Variants in ROBO2 observed in about 807,000 individuals in gnomAD.
ROBO2 encodes the protein roundabout guidance receptor 2, also known as roundabout homolog 2.
ROBO2 carries 53 observed loss-of-function variants against 160.8 expected under a neutral mutation model. The observed-to-expected ratio is 0.33, with a 90% confidence interval of 0.26 to 0.41. The LOEUF (loss-of-function observed/expected upper bound fraction) is 0.41, where lower values mean the gene tolerates loss of function less well. Among genes scored for constraint, ROBO2 ranks in the 10% least tolerant of loss-of-function variants. The pLI, the probability that ROBO2 is intolerant of heterozygous loss-of-function variation, is 1.00. For synonymous variants in ROBO2, 664 were observed against 611.7 expected (o/e 1.09, Z -1.26); for missense variants, 1,577 against 1,722.4 (o/e 0.92, Z 1.49).
At chr3:76,012,866 G>T (rs2066241604) in intron 2 of ROBO2, among the ~76,000 whole-genome samples, 1 of 140,860 alleles carries the variant, frequency 7.1e-6, no homozygotes, top group South Asian at 2.2e-4. Flanking sequence ...GGGCACGGTG[G>T]CTTATGCATG....
At chr3:77,131,552 T>G (rs926891481) in intron 2 of ROBO2, among the ~76,000 whole-genome samples, 1 of 152,052 alleles carries the variant, frequency 6.6e-6, no homozygotes, top group Non-Finnish European at 1.5e-5. Flanking sequence ...AGATTGGAGA[T>G]CCTTAGGAGA....
chr3:77,090,332 T>C (rs2069992799), intron 1 of ROBO2, among the ~76,000 whole-genome samples: 2 of 20,540 alleles, frequency 9.7e-5, no homozygotes, highest in African/African-American at 1.3e-3. Context: ...TCTTTTTTTT[T>C]TTTTTTTTTT....
chr3:77,286,256 CTTT>C (rs10663209), intron 2 of ROBO2, among the ~76,000 whole-genome samples: 5 of 119,866 alleles, frequency 4.2e-5, no homozygotes, highest in Admixed American at 8.7e-5. Context: ...AATTATGGAG[CTTT>C]TTTTTTTTTT....
intron 1 of ROBO2, among the ~76,000 whole-genome samples, chr3:77,072,757 A>G (rs1214035081): frequency 6.6e-6 from 1 of 152,206 alleles, no homozygotes; most frequent in East Asian, 1.9e-4. Context: ...TTGTGAATGA[A>G]TATATTTTCT....
At chr3:76,860,171 G>C (rs2148607912) in intron 2 of ROBO2, among the ~76,000 whole-genome samples, 1 of 152,212 alleles carries the variant, frequency 6.6e-6, no homozygotes, top group African/African-American at 2.4e-5. Context: ...AAAGGATGTT[G>C]GGTAGATGTG....
intron 2 of ROBO2, among the ~76,000 whole-genome samples, chr3:76,098,492 CATT>C (rs1339598645): frequency 1.3e-5 from 2 of 151,974 alleles, no homozygotes; most frequent in Non-Finnish European, 2.9e-5. Context: ...TAAATAAAAT[CATT>C]ATGCAAATCA....
intron 2 of ROBO2, among the ~76,000 whole-genome samples, chr3:77,015,348 T>C (rs1050016755): frequency 6.6e-6 from 1 of 152,206 alleles, no homozygotes; most frequent in African/African-American, 2.4e-5. Context: ...ATGGGATTTA[T>C]GGGAGGCACA....
At chr3:77,099,636 C>T (rs977603948) in intron 2 of ROBO2, among the ~76,000 whole-genome samples, 3 of 152,110 alleles carry the variant, frequency 2.0e-5, no homozygotes, top group Non-Finnish European at 4.4e-5. Flanking sequence ...TGCAAATATC[C>T]ATACCTGTTC....
chr3:76,455,311 A>G (rs1460252129), intron 2 of ROBO2, among the ~76,000 whole-genome samples: 6 of 152,148 alleles, frequency 3.9e-5, no homozygotes, highest in Admixed American at 2.6e-4. Flanking sequence ...TTGACAGCAC[A>G]AAAGTTAAAC....
At chr3:76,575,211 A>ACC (rs1223021809) in intron 2 of ROBO2, among the ~76,000 whole-genome samples, 2 of 152,060 alleles carry the variant, frequency 1.3e-5, no homozygotes. Flanking sequence ...ATACCTTGAT[A>ACC]ATTCCCATTC....
chr3:77,183,206 T>C (rs1337367218), intron 2 of ROBO2, among the ~76,000 whole-genome samples: 1 of 152,042 alleles, frequency 6.6e-6, no homozygotes, highest in Non-Finnish European at 1.5e-5. Flanking sequence ...CTTTATCTTC[T>C]CCCCCATAAG....
intron 23 of ROBO2, chr3:77,632,688 T>C (rs2153714152): frequency 6.6e-7 from 1 of 1,507,200 alleles, no homozygotes; most frequent in Non-Finnish European, 8.9e-7. Flanking sequence ...ACTCTTTGCA[T>C]GAGAGAATCT....
chr3:77,564,709 T>C (rs1035129976), intron 11 of ROBO2: 1 of 580,708 alleles, frequency 1.7e-6, no homozygotes, highest in Admixed American at 2.6e-5. Flanking sequence ...AGCAAAGGGC[T>C]GTCACATCTC....
At chr3:77,431,616 C>G (rs2078781403) in intron 2 of ROBO2, among the ~76,000 whole-genome samples, 1 of 152,116 alleles carries the variant, frequency 6.6e-6, no homozygotes, top group Admixed American at 6.5e-5. Context: ...TTACTTTCGT[C>G]CTGTGTTCCC....
Position 76,337,898 on chromosome 3 carries a change from A to G in ROBO2, c.109+400296A>G, listed in dbSNP as rs138936063. The stretch of plus-strand genomic sequence containing the variant: ...AATTGATGAGGTTTTGGGCTCCACC[A>G]TAGGAGATTTATTTTTGATTTATTA... On this transcript the variant is annotated intron_variant, in intron 2 of 26. Coordinates refer to the ROBO2 transcript ENST00000487694. 4.0e-3 allele frequency among the ~76,000 whole-genome samples: 616 copies of G among 152,278 alleles called. 2 individuals carry two copies. Among genetic ancestry groups the G allele is most frequent in the Non-Finnish European group, 7.6e-3 (520 of 68,004 alleles).
chr3:76,283,893 T>G (rs181513046), intron 2 of ROBO2, among the ~76,000 whole-genome samples: 19 of 152,168 alleles, frequency 1.2e-4, no homozygotes, highest in African/African-American at 4.6e-4. Flanking sequence ...GAAAATCTTA[T>G]GAAGAGGTTC....
intron 2 of ROBO2, among the ~76,000 whole-genome samples, chr3:76,178,159 T>C (rs1371726365): frequency 6.6e-6 from 1 of 152,172 alleles, no homozygotes; most frequent in Non-Finnish European, 1.5e-5. Context: ...TATAGACTTT[T>C]TTCCTTTCCA....
chr3:76,000,598 C>T (rs1417928412), intron 2 of ROBO2, among the ~76,000 whole-genome samples: 5 of 151,318 alleles, frequency 3.3e-5, no homozygotes, highest in African/African-American at 4.9e-5. Flanking sequence ...ATGCCATTCT[C>T]CTGCCTCAGC....
chr3:77,062,417 C>T lies in ROBO2; in HGVS notation c.61+21571C>T, dbSNP rs553953358. On this transcript the variant is annotated intron_variant, in intron 1 of 25. Transcript: ENST00000461745. Reference sequence around the variant, plus strand: ...ACCTAGTTCAGATTTTTAAAAAATACTCAAATAAACTCAGAGAACAGGACC... The same window carrying T: ...ACCTAGTTCAGATTTTTAAAAAATATTCAAATAAACTCAGAGAACAGGACC... 2.2e-4 allele frequency among the ~76,000 whole-genome samples: 33 copies of T among 152,098 alleles called. No individual in the cohort carries two copies. The South Asian group carries it at 3.3e-3, about 15-fold the overall frequency.
Sources: gnomAD v4.1 joint callset for allele counts (sites outside exome capture counted in the v4.1 genomes callset) on GRCh38, gnomAD v4.1.1 for gene constraint, MANE v1.5 for transcripts, NCBI Gene and HGNC (gene_info 2026-07-23, HGNC 2026-07-21) for gene names.